Variants in MTCL3 observed in about 807,000 individuals in gnomAD.
MTCL3 encodes MTCL family member 3.
the MTCL3 span, chr6:127,476,548 GATAA>G: frequency 3.4e-6 from 4 of 1,165,248 alleles, no homozygotes; most frequent in Non-Finnish European, 4.8e-6. The surrounding 1 kb of genome is among the most constrained non-coding windows in gnomAD (Gnocchi z 4.4). Context: ...AGGACACCTG[GATAA>G]ATAATTTTTC....
At chr6:127,483,082 A>C in the MTCL3 span, 1 of 932,644 alleles carries the variant, frequency 1.1e-6, no homozygotes, top group East Asian at 2.8e-5. Flanking sequence ...AAACCAAGAC[A>C]AATAAAAAGA....
chr6:127,480,233 C>A, the MTCL3 span, among the ~76,000 whole-genome samples: 1 of 152,146 alleles, frequency 6.6e-6, no homozygotes, highest in Non-Finnish European at 1.5e-5. Context: ...TTAGTTTGTA[C>A]AACAACTCTC....
At chr6:127,476,459 C>G in the MTCL3 span, 1 of 1,585,162 alleles carries the variant, frequency 6.3e-7, no homozygotes, top group Non-Finnish European at 8.6e-7. The surrounding 1 kb of genome is among the most constrained non-coding windows in gnomAD (Gnocchi z 4.4). Flanking sequence ...TTCAGATCTT[C>G]ATTGTCCTCC....
chr6:127,489,882 A>G, the MTCL3 span, among the ~76,000 whole-genome samples: 2 of 152,248 alleles, frequency 1.3e-5, no homozygotes, highest in African/African-American at 4.8e-5. Flanking sequence ...GGGAAGATCT[A>G]GGTAAGATGA....
At chr6:127,500,942 G>T in the MTCL3 span, among the ~76,000 whole-genome samples, 1 of 152,062 alleles carries the variant, frequency 6.6e-6, no homozygotes, top group Non-Finnish European at 1.5e-5. Flanking sequence ...CTCCCAAGTA[G>T]CTGGGATTAC....
the MTCL3 span, chr6:127,516,645 G>C: frequency 6.3e-7 from 1 of 1,583,902 alleles, no homozygotes; most frequent in South Asian, 1.1e-5. Flanking sequence ...CGATTTGGAA[G>C]AGCCCATTAC....
chr6:127,516,223 GT>G, the MTCL3 span: 1 of 1,435,440 alleles, frequency 7.0e-7, no homozygotes, highest in Non-Finnish European at 9.1e-7. Context: ...AGCGGCCAGG[GT>G]CGCGGCGGGG....
At chr6:127,484,855 A>G in the MTCL3 span, among the ~76,000 whole-genome samples, 3 of 152,196 alleles carry the variant, frequency 2.0e-5, no homozygotes, top group African/African-American at 7.2e-5. Context: ...CTCACTTTGC[A>G]GGTGCTGAAA....
At chr6:127,513,057 A>G in the MTCL3 span, 1 of 1,601,482 alleles carries the variant, frequency 6.2e-7, no homozygotes, top group Non-Finnish European at 8.5e-7. Context: ...AACCTGAATT[A>G]AGGTGTTTGT....
chr6:127,499,106 A>T, the MTCL3 span, among the ~76,000 whole-genome samples: 1 of 152,204 alleles, frequency 6.6e-6, no homozygotes, highest in Non-Finnish European at 1.5e-5. Flanking sequence ...CATCAGGATG[A>T]TTTAAAAAGT....
the MTCL3 span, among the ~76,000 whole-genome samples, chr6:127,514,209 T>TA: frequency 3.9e-5 from 6 of 152,012 alleles, no homozygotes; most frequent in Non-Finnish European, 8.8e-5. Flanking sequence ...AATTGCACTT[T>TA]AAAAAAATGA....
chr6:127,494,743 C>A, the MTCL3 span, among the ~76,000 whole-genome samples: 2 of 152,138 alleles, frequency 1.3e-5, no homozygotes, highest in African/African-American at 2.4e-5. Flanking sequence ...CAATAATAAA[C>A]TGATCACAAA....
the MTCL3 span, among the ~76,000 whole-genome samples, chr6:127,492,193 T>C: frequency 6.6e-6 from 1 of 152,204 alleles, no homozygotes; most frequent in Non-Finnish European, 1.5e-5. Flanking sequence ...TGCATGGACC[T>C]ACCTGAGACC....
chr6:127,518,745 C>T, the MTCL3 span: 1 of 152,190 alleles, frequency 6.6e-6, no homozygotes, highest in Non-Finnish European at 1.5e-5. Flanking sequence ...TGGGCTCGCT[C>T]GCCGCAGTTC....
At chr6:127,516,739 G>A in the MTCL3 span, 1 of 1,453,610 alleles carries the variant, frequency 6.9e-7, no homozygotes, top group Non-Finnish European at 9.0e-7. Flanking sequence ...AAGACAACAT[G>A]TCTGAATTTT....
chr6:127,506,709 T>C, the MTCL3 span, among the ~76,000 whole-genome samples: 2 of 151,930 alleles, frequency 1.3e-5, no homozygotes, highest in African/African-American at 4.8e-5. Flanking sequence ...GCCTCCCGAG[T>C]AGCTGGGACT....
the MTCL3 span, among the ~76,000 whole-genome samples, chr6:127,504,076 G>T: frequency 6.6e-6 from 1 of 152,102 alleles, no homozygotes; most frequent in Non-Finnish European, 1.5e-5. Context: ...AACAGTTTCA[G>T]CAGGAAAAAG....
chr6:127,492,589 C>T, the MTCL3 span, among the ~76,000 whole-genome samples: 5 of 152,148 alleles, frequency 3.3e-5, no homozygotes, highest in Non-Finnish European at 5.9e-5. Context: ...GGCCCGATCT[C>T]GGCTCACTGC....
the MTCL3 span, chr6:127,515,002 T>C: frequency 1.2e-6 from 2 of 1,614,178 alleles, no homozygotes; most frequent in East Asian, 2.2e-5. This position sits in a 1 kb window ranked among gnomAD's most constrained non-coding sequence, Gnocchi z 4.3. Flanking sequence ...TCGAAGAAAG[T>C]GTCCCTCATC....
Sources: allele counts gnomAD v4.1 joint callset (sites outside exome capture counted in the v4.1 genomes callset), GRCh38; gene constraint gnomAD v4.1.1; non-coding constraint Gnocchi (gnomAD v3.1); transcripts MANE v1.5; gene names NCBI Gene and HGNC (gene_info 2026-07-23, HGNC 2026-07-21).